Variants in LATS2 observed in about 807,000 individuals in gnomAD.
LATS2 encodes large tumor suppressor kinase 2.
A neutral mutation model predicts 76.0 loss-of-function variants in LATS2; 24 were observed. The observed-to-expected ratio is 0.32, with a 90% CI of 0.23 to 0.44. The LOEUF is 0.44. LATS2 is among the 20% of genes least tolerant of loss of function. LATS2 has a pLI of 1.00. For missense variants in LATS2, 1,286 were observed against 1,481.2 expected (o/e 0.87, Z 2.16); for synonymous variants, 692 against 635.4 (o/e 1.09, Z -1.34).
chr13:21,023,275 CTTTTTA>C (rs1872145594), intron 2 of LATS2: 1 of 147,542 alleles, frequency 6.8e-6, no homozygotes, highest in Non-Finnish European at 1.5e-5. Flanking sequence ...TTTTTTTTTT[CTTTTTA>C]GAGATAGGGT....
chr13:21,028,130 C>T (rs1818490001), intron 2 of LATS2, among the ~76,000 whole-genome samples: 1 of 152,060 alleles, frequency 6.6e-6, no homozygotes, highest in Admixed American at 6.6e-5. Context: ...CTTCCTGTGT[C>T]CATGTGTTCT....
chr13:20,993,035 CAAAAAAAAAAAAAAAA>C (rs551359225), intron 2 of LATS2, among the ~76,000 whole-genome samples: 1 of 88,974 alleles, frequency 1.1e-5, no homozygotes, highest in Non-Finnish European at 2.0e-5. Context: ...ACTCCATCTC[CAAAAAAAAAAAAAAAA>C]AAAAAAAAAA....
At position 20,988,302 on chromosome 13, in the gene LATS2, G is replaced by A. The variant is rs1176877473; in HGVS notation, c.1478C>T (p.Ala493Val). Reference protein sequence around the residue: ...GLDAKEEHALALGGAGAFPLD... With the variant: ...GLDAKEEHALVLGGAGAFPLD... The stretch of plus-strand genomic sequence containing the variant: ...CGGGAAGGCGCCTGCGCCGCCCAGC[G>A]CCAGGGCATGCTCCTCCTTGGCGTC... Residue 493 changes from alanine to valine, a missense_variant, in exon 4 of 8, where the codon GCG (alanine) becomes GTG (valine). Physicochemically the swap from Ala to Val is moderately conservative, Grantham distance 64. Transcript: ENST00000382592. 1.3e-6 allele frequency: 2 copies of A among 1,565,918 alleles called. No homozygotes were observed. Among genetic ancestry groups the A allele is most frequent in the East Asian group, 2.3e-5 (1 of 43,438 alleles).
At chr13:21,008,175 G>A (rs1871434031) in intron 2 of LATS2, among the ~76,000 whole-genome samples, 2 of 151,050 alleles carry the variant, frequency 1.3e-5, no homozygotes, top group Admixed American at 1.3e-4. Flanking sequence ...AGTGGTGCTC[G>A]CTGCTGCATT....
chr13:20,999,000 C>T (rs1870904703), intron 2 of LATS2, among the ~76,000 whole-genome samples: 1 of 150,604 alleles, frequency 6.6e-6, no homozygotes, highest in South Asian at 2.1e-4. Flanking sequence ...GACAGGGATC[C>T]CCGCGACCTT....
At chr13:21,021,610 G>A (rs1872069070) in intron 2 of LATS2, among the ~76,000 whole-genome samples, 1 of 151,046 alleles carries the variant, frequency 6.6e-6, no homozygotes, top group Admixed American at 6.6e-5. Flanking sequence ...TTGTTAAGAC[G>A]TTCAGGTTTC....
At chr13:21,016,342 G>A (rs1275631320) in intron 2 of LATS2, among the ~76,000 whole-genome samples, 2 of 151,700 alleles carry the variant, frequency 1.3e-5, no homozygotes, top group Non-Finnish European at 2.9e-5. Context: ...TCAGTACAGT[G>A]GCGTGATCTC....
At chr13:21,018,184 G>C (rs1011801153) in intron 2 of LATS2, 8 of 152,150 alleles carry the variant, frequency 5.3e-5, no homozygotes, top group Admixed American at 5.2e-4. Context: ...ATTCCTTCAG[G>C]CAGGTGTAAA....
intron 2 of LATS2, among the ~76,000 whole-genome samples, chr13:21,025,598 C>T (rs898436235): frequency 1.3e-5 from 2 of 152,060 alleles, no homozygotes; most frequent in South Asian, 2.1e-4. Context: ...CTTCATGACA[C>T]GTGAGGTAGT....
At chr13:20,979,539 AAAT>A (rs1336096389) in intron 7 of LATS2, 149 bp downstream of exon 7, 9 of 414,428 alleles carry the variant, frequency 2.2e-5, no homozygotes, top group Admixed American at 1.7e-4. Context: ...ATAATTTAAA[AAAT>A]AATGAGATTA....
rs769771909 is a variant in LATS2 at position 20,983,528 on chromosome 13, C to G, written c.2178G>C (p.Glu726Asp). 2.5e-6 allele frequency: 4 copies of G among 1,614,138 alleles called. No homozygotes were observed. Among genetic ancestry groups the G allele is most frequent in the Non-Finnish European group, 3.4e-6 (4 of 1,180,030 alleles). ...AGGAGTAGTAGAGTTTGACCACCCA[C>G]TCATTGTCTGCCTCGGCCAGGATGT... Reference protein sequence around the residue: ...ERDILAEADNEWVVKLYYSFQ... With the variant: ...ERDILAEADNDWVVKLYYSFQ... The change falls in exon 5 of 8, where the codon GAG becomes GAC. Residue 726 changes from glutamate to aspartate, a missense_variant. By Grantham distance (45) the Glu-to-Asp change is conservative (BLOSUM62 2). Around this residue, in one of 5 missense-constraint regions of LATS2, gnomAD observed 247 missense variants for 385.4 expected, o/e 0.64. Coordinates refer to ENST00000382592, the MANE Select transcript of LATS2 (RefSeq NM_014572.3).
At chr13:20,987,385 C>G (rs557727692) in intron 4 of LATS2, among the ~76,000 whole-genome samples, 3 of 152,260 alleles carry the variant, frequency 2.0e-5, no homozygotes, top group African/African-American at 7.2e-5. Flanking sequence ...TTACCTTCTT[C>G]AGCACTTCAG....
chr13:20,995,347 T>G (rs1870706199), intron 2 of LATS2, among the ~76,000 whole-genome samples: 1 of 152,188 alleles, frequency 6.6e-6, no homozygotes, highest in African/African-American at 2.4e-5. Context: ...AATAGACACC[T>G]CCAGTCTCTT....
chr13:21,049,020 A>C (rs968790390), intron 1 of LATS2, among the ~76,000 whole-genome samples: 1 of 152,124 alleles, frequency 6.6e-6, no homozygotes, highest in Non-Finnish European at 1.5e-5. Context: ...AAAAAGAAAG[A>C]GCTCTAGAAA....
rs552242148 is a variant in LATS2 at position 21,030,515 on chromosome 13, G to A, written c.342+15170C>T. ...GAGGCAGGAGAATGGCGTGAACCTG[G>A]GAAGCGGAGCTTGCAGCGAGCTGAG... On this transcript the variant is annotated intron_variant, in intron 2 of 7. Coordinates refer to ENST00000382592, the MANE Select transcript of LATS2 (RefSeq NM_014572.3). Among the ~76,000 whole-genome samples, 5 of 148,774 alleles carry A rather than the reference G, an allele frequency of 3.4e-5. No homozygotes were observed. The East Asian group carries it at 9.9e-4, about 29-fold the overall frequency.
At position 20,981,560 on chromosome 13, in the gene LATS2, T is replaced by C; in HGVS notation, c.2571A>G (p.Leu857=). ...GGTGCTGCTTCCGCGCCCTCTGCTC[T>C]AGGGTCTTCAGCCTGTCCCCACACC... ...NCRCGDRLKT[L]EQRARKQHQR... is the part of the protein sequence containing the mutation. Residue 857 remains leucine, a synonymous_variant, in exon 6 of 8, where the codon CTA becomes CTG. Transcript: ENST00000382592. 1 of 1,614,130 alleles carries C rather than the reference T, an allele frequency of 6.2e-7. No individual in the cohort carries two copies. The highest frequency in any genetic ancestry group is 1.3e-5 in the African/African-American group (1 of 75,030).
rs200121518 is a variant in LATS2, at chr13:21,000,376, G to GTCA, written c.343-8975_343-8973dup. Among the ~76,000 whole-genome samples the GTCA allele has an allele frequency of 7.1e-3, 1,066 of 150,050 alleles. 9 individuals carry two copies. Among genetic ancestry groups the GTCA allele is most frequent in the African/African-American group, 0.013 (533 of 40,560 alleles). ...AGCCTGGGTGACAGAGCAAGACTCT[G>GTCA]TCATAATAATAATAATAATAATAAT... On this transcript the variant is annotated intron_variant, in intron 2 of 7. Transcript: ENST00000382592.
intron 2 of LATS2, among the ~76,000 whole-genome samples, chr13:21,037,652 C>T (rs9509495): frequency 0.85 from 128,931 of 152,082 alleles, 54,844 homozygotes; most frequent in South Asian, 0.91. Flanking sequence ...TATGGTGTCA[C>T]GGGAGAGAAC....
At position 20,988,883 on chromosome 13, in the gene LATS2, G is replaced by T; in HGVS notation, c.897C>A (p.Gly299=). ...LPTKGQGGPP[G]AGLAFPPPAA... is the part of the protein sequence containing the mutation. ...CAGGGGGTGGGAAAGCGAGGCCGGC[G>T]CCTGGCGGTCCTCCCTGGCCCTTCG... Residue 299 remains glycine (G), a synonymous_variant, in exon 4 of 8, where the codon GGC becomes GGA. Coordinates refer to ENST00000382592, the MANE Select transcript of LATS2 (RefSeq NM_014572.3). 6.4e-7 allele frequency: 1 copy of T among 1,553,148 alleles called. No homozygotes were observed. Among genetic ancestry groups the T allele is most frequent in the East Asian group, 2.4e-5 (1 of 42,478 alleles).
Sources: gnomAD v4.1 joint callset for allele counts (sites outside exome capture counted in the v4.1 genomes callset) on GRCh38, gnomAD v4.1.1 for gene constraint, gnomAD v4.1.1 regional missense constraint, MANE v1.5 for transcripts, NCBI Gene and HGNC (gene_info 2026-07-23, HGNC 2026-07-21) for gene names.